Variants in SLC30A8 observed in about 807,000 individuals in gnomAD.
SLC30A8 encodes the protein proton-coupled zinc antiporter SLC30A8.
Under a neutral mutation model 36.9 loss-of-function variants are expected in SLC30A8, and 27 were observed. The observed-to-expected ratio is 0.73, with a 90% CI of 0.54 to 1.01. The LOEUF (loss-of-function observed/expected upper bound fraction) is 1.01. Ranked by LOEUF, SLC30A8 falls within the 50% of genes least tolerant of loss-of-function variation. SLC30A8 has a pLI of 0.00. For missense variants in SLC30A8, 439 were observed against 452.0 expected, an observed-to-expected ratio of 0.97 and a Z score of 0.26; for synonymous variants, 164 against 172.4, an observed-to-expected ratio of 0.95 and a Z score of 0.38.
chr8:117,134,898 A>G (rs1821286323), upstream of SLC30A8: 1 of 153,044 alleles, frequency 6.5e-6, no homozygotes, highest in African/African-American at 2.4e-5. Flanking sequence ...GGAGGGAGAG[A>G]AAAAGAAAGA....
At chr8:117,074,997 G>GA (rs1818447482) in intron 2 of SLC30A8, among the ~76,000 whole-genome samples, 1 of 152,048 alleles carries the variant, frequency 6.6e-6, no homozygotes, top group Non-Finnish European at 1.5e-5. Flanking sequence ...TCTATAGGGA[G>GA]AAAACCAACA....
chr8:117,051,882 C>T (rs887960889), intron 2 of SLC30A8, among the ~76,000 whole-genome samples: 1 of 152,172 alleles, frequency 6.6e-6, no homozygotes, highest in African/African-American at 2.4e-5. Flanking sequence ...TGCTCCCTCT[C>T]TCACCATGTG....
At chr8:117,111,207 G>T (rs1050707989) in intron 2 of SLC30A8, among the ~76,000 whole-genome samples, 1 of 152,098 alleles carries the variant, frequency 6.6e-6, no homozygotes, top group Non-Finnish European at 1.5e-5. Context: ...ATAAACATTG[G>T]TAGCTATTTT....
chr8:117,101,640 G>A (rs1352722706), intron 2 of SLC30A8, among the ~76,000 whole-genome samples: 2 of 152,150 alleles, frequency 1.3e-5, no homozygotes, highest in East Asian at 1.9e-4. Context: ...TAACATTTGA[G>A]TCAGTGGACT....
chr8:117,002,169 T>C (rs1422388501), intron 1 of SLC30A8, among the ~76,000 whole-genome samples: 2 of 152,178 alleles, frequency 1.3e-5, no homozygotes, highest in African/African-American at 4.8e-5. Context: ...ATTTACTGGA[T>C]TGGTATCTAA....
chr8:117,005,616 TAACTCTATGTTTAACCTTTTGAGG>T (rs1275123496), intron 1 of SLC30A8, among the ~76,000 whole-genome samples: 1 of 152,236 alleles, frequency 6.6e-6, no homozygotes, highest in Non-Finnish European at 1.5e-5. Context: ...GGTCATATGA[TAACTCTATGTTTAACCTTTTGAGG>T]AACTGCCCGA....
At chr8:117,040,232 C>T (rs989917643) in intron 2 of SLC30A8, among the ~76,000 whole-genome samples, 4 of 152,192 alleles carry the variant, frequency 2.6e-5, no homozygotes, top group Admixed American at 2.0e-4. Context: ...TGCGACCTAA[C>T]AATAGGGTTA....
At chr8:117,163,140 G>A (rs1350396321) in intron 5 of SLC30A8, among the ~76,000 whole-genome samples, 1 of 152,154 alleles carries the variant, frequency 6.6e-6, no homozygotes, top group African/African-American at 2.4e-5. Flanking sequence ...AGTTAAATCA[G>A]GGCTCTTGAG....
intron 2 of SLC30A8, among the ~76,000 whole-genome samples, chr8:117,084,718 A>T (rs1321639262): frequency 6.6e-6 from 1 of 152,120 alleles, no homozygotes; most frequent in Non-Finnish European, 1.5e-5. Flanking sequence ...CCCTAAGTAG[A>T]TCCTATAATT....
At chr8:117,155,750 G>A (rs529359724) in intron 3 of SLC30A8, among the ~76,000 whole-genome samples, 36 of 152,292 alleles carry the variant, frequency 2.4e-4, no homozygotes, top group South Asian at 4.1e-4. Context: ...GCAATCGGGC[G>A]TCAGTGGGGT....
intron 1 of SLC30A8, among the ~76,000 whole-genome samples, chr8:116,991,162 A>G (rs1284111536): frequency 3.3e-5 from 5 of 152,186 alleles, no homozygotes; most frequent in African/African-American, 4.8e-5. Context: ...ATGAGATTCT[A>G]GAAGAATAGT....
chr8:117,079,090 C>T (rs1200008380), intron 2 of SLC30A8, among the ~76,000 whole-genome samples: 2 of 152,014 alleles, frequency 1.3e-5, no homozygotes, highest in African/African-American at 4.8e-5. Flanking sequence ...CGGCTTACTG[C>T]AACTTTCGCC....
intron 6 of SLC30A8, among the ~76,000 whole-genome samples, chr8:117,164,564 A>T (rs767436378): frequency 2.9e-4 from 44 of 152,126 alleles, no homozygotes. Flanking sequence ...ACAGAGTAAG[A>T]CCCTACCTCA....
At chr8:117,024,998 T>G (rs1414822710) in intron 1 of SLC30A8, among the ~76,000 whole-genome samples, 1 of 152,218 alleles carries the variant, frequency 6.6e-6, no homozygotes, top group East Asian at 1.9e-4. Flanking sequence ...GTAGCATTAT[T>G]AAACTCAGTC....
intron 2 of SLC30A8, among the ~76,000 whole-genome samples, chr8:117,069,237 G>T (rs1818257105): frequency 6.6e-6 from 1 of 152,034 alleles, no homozygotes; most frequent in East Asian, 1.9e-4. Context: ...AGAAATGAGA[G>T]GATAAAAAAG....
intron 2 of SLC30A8, among the ~76,000 whole-genome samples, chr8:117,099,318 G>T (rs1326360327): frequency 1.3e-5 from 2 of 152,030 alleles, no homozygotes; most frequent in South Asian, 4.1e-4. Flanking sequence ...TGTTATTCAG[G>T]TCTCACGTCT....
intron 1 of SLC30A8, among the ~76,000 whole-genome samples, chr8:117,004,951 G>A (rs1275999299): frequency 6.6e-6 from 1 of 151,310 alleles, no homozygotes; most frequent in Non-Finnish European, 1.5e-5. Flanking sequence ...CTCTTATATT[G>A]GAATAATTTT....
intron 2 of SLC30A8, among the ~76,000 whole-genome samples, chr8:117,062,638 G>A (rs890379712): frequency 2.6e-5 from 4 of 152,206 alleles, no homozygotes; most frequent in South Asian, 2.1e-4. Context: ...ACCACATTAC[G>A]TGGGAAGGAG....
chr8:117,027,148 G>C (rs941465719), intron 1 of SLC30A8, among the ~76,000 whole-genome samples: 1 of 152,096 alleles, frequency 6.6e-6, no homozygotes, highest in African/African-American at 2.4e-5. Flanking sequence ...TTTCTGGCTG[G>C]GCCATCATCC....
Sources: allele counts gnomAD v4.1 joint callset (sites outside exome capture counted in the v4.1 genomes callset), GRCh38; gene constraint gnomAD v4.1.1; transcripts MANE v1.5; gene names NCBI Gene and HGNC (gene_info 2026-07-23, HGNC 2026-07-21).